Variants in CPD observed in about 807,000 individuals in gnomAD.
CPD encodes the protein carboxypeptidase D.
Under a neutral mutation model 138.3 loss-of-function variants are expected in CPD, and 69 were observed. The observed-to-expected ratio is 0.50, with a 90% CI of 0.41 to 0.61. CPD has a LOEUF of 0.61. CPD is among the 20% of genes least tolerant of loss of function. The pLI is 0.00. For missense variants in CPD, 1,432 were observed against 1,733.3 expected, an observed-to-expected ratio of 0.83 and a Z score of 3.09; for synonymous variants, 651 against 642.1, an observed-to-expected ratio of 1.01 and a Z score of -0.21.
At position 30,385,224 on chromosome 17, in the gene CPD, T is replaced by C. The variant is rs1396014407; in HGVS notation, c.982T>C (p.Tyr328His). Reference sequence around the variant, plus strand: ...TGGAATCACAAACGGCGCACATTGGTATGATGTGGAAGGTATGCAAAGCAT... The same window carrying C: ...TGGAATCACAAACGGCGCACATTGGCATGATGTGGAAGGTATGCAAAGCAT... Reference protein sequence around the residue: ...KDGITNGAHWYDVEGGMQDYN... With the variant: ...KDGITNGAHWHDVEGGMQDYN... The change falls in exon 2 of 21, where the codon TAT becomes CAT. Residue 328 changes from tyrosine (Y) to histidine (H), a missense_variant. Physicochemically the swap from Tyr to His is moderately conservative, Grantham distance 83. Around this residue, in one of 6 missense-constraint regions of CPD, gnomAD observed 484 missense variants for 477.2 expected, o/e 1.01. Transcript: ENST00000225719. 1.9e-6 allele frequency: 3 copies of C among 1,614,054 alleles called. No individual in the cohort carries two copies. The highest frequency in any genetic ancestry group is 2.5e-6 in the Non-Finnish European group (3 of 1,179,940).
chr17:30,453,631 C>T (rs1913220755), intron 14 of CPD, among the ~76,000 whole-genome samples: 1 of 152,178 alleles, frequency 6.6e-6, no homozygotes, highest in African/African-American at 2.4e-5. Flanking sequence ...CCTCTTCTCA[C>T]AGCTCCACTA....
chr17:30,451,622 A>G, intron 13 of CPD, 89 bp from the exon 14 acceptor site: 1 of 1,183,450 alleles, frequency 8.4e-7, no homozygotes, highest in Non-Finnish European at 1.2e-6. Flanking sequence ...CTATGTGTAG[A>G]ATAAACAGAC....
intron 6 of CPD, among the ~76,000 whole-genome samples, chr17:30,424,211 A>T (rs561337129): frequency 1.3e-5 from 2 of 152,352 alleles, no homozygotes; most frequent in Admixed American, 1.3e-4. Context: ...AAGATTTATT[A>T]TCAATCGAAA....
At position 30,420,854 on chromosome 17, in the gene CPD, T is replaced by C; in HGVS notation, c.1008T>C (p.Asp336=). The part of the protein sequence containing the change: ...HWYDVEGGMQ[D]YNYVWANCFE... ...TCTATGTTACAGGTGGTATGCAAGA[T>C]TACAATTATGTGTGGGCCAACTGTT... Residue 336 remains aspartate, a synonymous_variant, in exon 3 of 21, where the codon GAT becomes GAC. Transcript: ENST00000225719. 6.2e-7 allele frequency: 1 copy of C among 1,610,758 alleles called. No homozygotes were observed. The highest frequency in any genetic ancestry group is 8.5e-7 in the Non-Finnish European group (1 of 1,177,992).
At position 30,467,865 on chromosome 17, in the gene CPD, A is replaced by G. The variant is rs1913684804; in HGVS notation, c.*3051A>G. ...AAGCTTCTTGGCAATGAATTCTGTA[A>G]TAGTGCCCTACATTATGGTTTTCTG... is the stretch of plus-strand genomic sequence containing the variant. On this transcript the variant is annotated 3_prime_UTR_variant, in exon 21 of 21. Coordinates refer to ENST00000225719, the MANE Select transcript of CPD (RefSeq NM_001304.5). 1 of 152,136 alleles carries G rather than the reference A, an allele frequency of 6.6e-6. No individual in the cohort carries two copies. Among genetic ancestry groups the G allele is most frequent in the African/African-American group, 2.4e-5 (1 of 41,444 alleles). The allele number at this position is 152,136 out of a possible 1,614,324, so 9.4% of individuals were successfully genotyped here.
chr17:30,379,473 C>T lies in CPD; in HGVS notation c.493C>T (p.Pro165Ser). 1 of 1,574,168 alleles carries T rather than the reference C, an allele frequency of 6.4e-7. No homozygotes were observed. The highest frequency in any genetic ancestry group is 1.4e-5 in the African/African-American group (1 of 70,866). The change falls in exon 1 of 21, where the codon CCG becomes TCG. Residue 165 changes from proline to serine, a missense_variant. Transcript: ENST00000225719. The surrounding 1 kb of genome is among the most constrained non-coding windows in gnomAD (Gnocchi z 7.0). ...ELAAGYRRGD[P>S]RLVRLLNTTD... ...GGCGGCCGGCTACCGCCGCGGGGAC[C>T]CGCGCCTGGTCCGCCTGCTCAACAC...
chr17:30,431,645 C>A (rs1346190681), intron 7 of CPD, 127 bp from the exon 8 acceptor site: 2 of 643,350 alleles, frequency 3.1e-6, no homozygotes, highest in Admixed American at 3.3e-5. Context: ...ATTTTCATTT[C>A]TGTTGAGGAA....
intron 6 of CPD, among the ~76,000 whole-genome samples, chr17:30,425,613 G>A (rs778798875): frequency 2.0e-5 from 3 of 147,886 alleles, no homozygotes; most frequent in East Asian, 4.0e-4. Context: ...CCGAGATGGC[G>A]CCACTGCACT....
chr17:30,461,975 A>G lies in CPD; in HGVS notation c.3729A>G (p.Lys1243=), dbSNP rs1447204721. 1.2e-6 allele frequency: 2 copies of G among 1,613,992 alleles called. No homozygotes were observed. The highest frequency in any genetic ancestry group is 1.1e-5 in the South Asian group (1 of 91,060). The change falls in exon 19 of 21, where the codon AAA becomes AAG. Residue 1243 remains lysine, a synonymous_variant. Coordinates refer to ENST00000225719, the MANE Select transcript of CPD (RefSeq NM_001304.5). ...ATGAAGGAATAAAGGTACAAACAAA[A>G]GAGGGAGGTTATTTCCATGTACTCT... ...VLNEGIKVQT[K]EGGYFHVLLA...
At position 30,465,680 on chromosome 17, in the gene CPD, A is replaced by G. The variant is rs772624239; in HGVS notation, c.*866A>G. On this transcript the variant is annotated 3_prime_UTR_variant, in exon 21 of 21. Coordinates refer to ENST00000225719, the MANE Select transcript of CPD (RefSeq NM_001304.5). ...AATGCCTGATTCTTTAATATTGCCT[A>G]AATCGGAACCTTTTTCTATGTTGCA... 1 of 152,624 alleles carries G rather than the reference A, an allele frequency of 6.6e-6. No individual in the cohort carries two copies. The highest frequency in any genetic ancestry group is 1.5e-5 in the Non-Finnish European group (1 of 68,042). 9.5% of individuals were successfully genotyped at this position (152,624 alleles called of 1,614,324 possible).
intron 15 of CPD, 152 bp downstream of exon 15, chr17:30,455,622 C>T (rs1377743608): frequency 2.7e-6 from 2 of 750,372 alleles, no homozygotes; most frequent in African/African-American, 3.6e-5. Context: ...CATACATCAG[C>T]AGTTCAGTTA....
chr17:30,380,767 AG>A (rs1385411119), intron 1 of CPD: 1 of 615,416 alleles, frequency 1.6e-6, no homozygotes, highest in Non-Finnish European at 2.7e-6. Context: ...AGAGATGGGC[AG>A]GATTTTCAGC....
At chr17:30,455,499 C>T (rs373632428) in intron 15 of CPD, 29 bp downstream of exon 15, 1 of 1,589,474 alleles carries the variant, frequency 6.3e-7, no homozygotes, top group Non-Finnish European at 8.5e-7. Context: ...TATATATATA[C>T]TGTTTAAGCT....
intron 7 of CPD, 141 bp downstream of exon 7, chr17:30,427,699 C>A (rs111950590): frequency 3.9e-5 from 27 of 697,972 alleles, no homozygotes; most frequent in African/African-American, 3.1e-4. Context: ...CAGTAAAGGT[C>A]TTTTCTCATT....
intron 1 of CPD, among the ~76,000 whole-genome samples, chr17:30,383,797 T>C (rs1597703509): frequency 6.6e-6 from 1 of 152,178 alleles, no homozygotes; most frequent in East Asian, 1.9e-4. Context: ...TGTAGGTCAG[T>C]TAATTTCAAC....
intron 2 of CPD, among the ~76,000 whole-genome samples, chr17:30,388,973 G>A (rs1180132578): frequency 1.3e-5 from 2 of 152,196 alleles, no homozygotes; most frequent in Non-Finnish European, 2.9e-5. Flanking sequence ...AGTGGGGTGG[G>A]CGCAGTGGCT....
Position 30,379,341 on chromosome 17 carries a change from G to A in CPD, c.361G>A (p.Ala121Thr). Residue 121 changes from alanine to threonine, a missense_variant, in exon 1 of 21, where the codon GCT (alanine) becomes ACT (threonine). Coordinates refer to ENST00000225719, the MANE Select transcript of CPD (RefSeq NM_001304.5). The surrounding 1 kb of genome is among the most constrained non-coding windows in gnomAD (Gnocchi z 7.0). ...GGGGCCTGACGCTGCCGGGCCCGAC[G>A]CTGCGGGGCCGCTGCTGCCCGGCCG... ...DAGPDAAGPD[A>T]AGPLLPGRPQ... 1 of 1,489,888 alleles carries A rather than the reference G, an allele frequency of 6.7e-7. No individual in the cohort carries two copies. Among genetic ancestry groups the A allele is most frequent in the Non-Finnish European group, 8.9e-7 (1 of 1,127,794 alleles). The allele number at this position is 1,489,888 out of a possible 1,614,324, so 92.3% of individuals were successfully genotyped here.
At position 30,464,933 on chromosome 17, in the gene CPD, A is replaced by G; in HGVS notation, c.*119A>G. On this transcript the variant is annotated 3_prime_UTR_variant, in exon 21 of 21. Transcript: ENST00000225719. Reference sequence around the variant, plus strand: ...TTCTTCAAAGAGCTTTGGGAAATTAAATTGCTAAATTTGTATTCTCTGTGA... The same window carrying G: ...TTCTTCAAAGAGCTTTGGGAAATTAGATTGCTAAATTTGTATTCTCTGTGA... 1.3e-6 allele frequency: 1 copy of G among 776,436 alleles called. No homozygotes were observed. The highest frequency in any genetic ancestry group is 2.6e-5 in the East Asian group (1 of 38,098). The allele number at this position is 776,436 out of a possible 1,614,324, so 48.1% of individuals were successfully genotyped here.
chr17:30,443,733 T>A, intron 10 of CPD, 69 bp from the exon 11 acceptor site: 1 of 1,407,786 alleles, frequency 7.1e-7, no homozygotes, highest in Non-Finnish European at 9.6e-7. Flanking sequence ...TTATTTTGAA[T>A]ATGACCTCCC....
Sources: gnomAD v4.1 joint callset for allele counts (sites outside exome capture counted in the v4.1 genomes callset) on GRCh38, gnomAD v4.1.1 for gene constraint, gnomAD v4.1.1 regional missense constraint, Gnocchi (gnomAD v3.1) non-coding constraint, MANE v1.5 for transcripts, NCBI Gene and HGNC (gene_info 2026-07-23, HGNC 2026-07-21) for gene names.